HPSE2: variants seen among roughly 807,000 people sequenced by gnomAD.
The protein encoded by HPSE2 is heparanase 2 (inactive), also known as inactive heparanase-2.
Under a neutral mutation model 60.5 loss-of-function variants are expected in HPSE2, and 38 were observed. That is an observed-to-expected ratio of 0.63 (90% CI 0.48 to 0.82). The LOEUF (loss-of-function observed/expected upper bound fraction) is 0.82, where lower values mean the gene tolerates loss of function less well. HPSE2 is among the 40% of genes least tolerant of loss of function. The pLI is 0.00. For missense variants in HPSE2, 713 were observed against 740.4 expected (o/e 0.96, Z 0.43); for synonymous variants, 295 against 293.2 (o/e 1.01, Z -0.06).
chr10:98,940,822 C>G (rs1400108434), intron 3 of HPSE2, among the ~76,000 whole-genome samples: 2 of 140,308 alleles, frequency 1.4e-5, no homozygotes, highest in Non-Finnish European at 1.5e-5. Context: ...AACATTGATG[C>G]AAAAATCCTC....
the HPSE2 span, among the ~76,000 whole-genome samples, chr10:99,282,785 A>T: frequency 6.6e-6 from 1 of 152,192 alleles, no homozygotes; most frequent in Non-Finnish European, 1.5e-5. Flanking sequence ...TCACAAGGGA[A>T]ACTTGGAAAT....
chr10:98,818,071 G>A (rs1951333896), intron 3 of HPSE2, among the ~76,000 whole-genome samples: 2 of 152,128 alleles, frequency 1.3e-5, no homozygotes, highest in South Asian at 4.1e-4. Context: ...TTTGCATCCT[G>A]TGAATACCGT....
chr10:98,600,130 G>T (rs1945356287), intron 9 of HPSE2, among the ~76,000 whole-genome samples: 1 of 152,134 alleles, frequency 6.6e-6, no homozygotes, highest in African/African-American at 2.4e-5. Context: ...AGGTATGGAT[G>T]TTTACTGCTT....
intron 9 of HPSE2, among the ~76,000 whole-genome samples, chr10:98,604,443 T>G (rs1389537762): frequency 2.0e-5 from 3 of 152,066 alleles, no homozygotes; most frequent in Non-Finnish European, 4.4e-5. Flanking sequence ...TCTCCCAAAT[T>G]GAACAGCAAA....
intron 3 of HPSE2, among the ~76,000 whole-genome samples, chr10:99,107,484 G>A (rs538942915): frequency 3.7e-4 from 56 of 152,090 alleles, no homozygotes; most frequent in South Asian, 1.0e-3. Context: ...AAACCATGCC[G>A]TCTTCTACCT....
chr10:98,966,856 C>T (rs540147758), intron 3 of HPSE2, among the ~76,000 whole-genome samples: 1 of 152,318 alleles, frequency 6.6e-6, no homozygotes, highest in South Asian at 2.1e-4. Flanking sequence ...TTGATCATTA[C>T]ACATTTTATG....
At chr10:99,014,261 T>C (rs552488847) in intron 3 of HPSE2, among the ~76,000 whole-genome samples, 1 of 152,374 alleles carries the variant, frequency 6.6e-6, no homozygotes, top group African/African-American at 2.4e-5. Flanking sequence ...GGCCTCCAGC[T>C]CCATCCATGT....
At chr10:99,178,362 T>C (rs984351917) in intron 2 of HPSE2, among the ~76,000 whole-genome samples, 9 of 151,698 alleles carry the variant, frequency 5.9e-5, no homozygotes, top group African/African-American at 2.2e-4. Context: ...ACAAAATAGA[T>C]AGGCCACTAG....
intron 3 of HPSE2, among the ~76,000 whole-genome samples, chr10:98,854,336 C>T (rs986284744): frequency 6.6e-6 from 1 of 152,198 alleles, no homozygotes; most frequent in Non-Finnish European, 1.5e-5. Context: ...GCTGGTCACA[C>T]AGAGAAGACT....
chr10:98,594,251 T>C lies in HPSE2; in HGVS notation c.1320+20653A>G, dbSNP rs1291081857. Among the ~76,000 whole-genome samples, 3 of 152,048 alleles carry C rather than the reference T, an allele frequency of 2.0e-5. No individual in the cohort carries two copies. The East Asian group carries it at 5.8e-4, about 29-fold the overall frequency. On this transcript the variant is annotated intron_variant, in intron 9 of 11. Transcript: ENST00000370552. Reference sequence around the variant, plus strand: ...ATAGATAACTTAAAACTATTCCTCTTATGGAATTGACATTTTGTATCCTTT... The same window carrying C: ...ATAGATAACTTAAAACTATTCCTCTCATGGAATTGACATTTTGTATCCTTT...
intron 9 of HPSE2, among the ~76,000 whole-genome samples, chr10:98,540,767 A>G (rs549111319): frequency 1.3e-5 from 2 of 152,334 alleles, no homozygotes; most frequent in South Asian, 2.1e-4. Context: ...TCAATAGCAC[A>G]TTAAGACTTA....
At chr10:98,582,288 T>C (rs1416723625) in intron 9 of HPSE2, among the ~76,000 whole-genome samples, 2 of 152,214 alleles carry the variant, frequency 1.3e-5, no homozygotes, top group East Asian at 3.8e-4. Context: ...TTTACTGAAA[T>C]GGAACAATAC....
At chr10:98,495,348 C>G (rs893880908) in intron 9 of HPSE2, among the ~76,000 whole-genome samples, 5 of 152,078 alleles carry the variant, frequency 3.3e-5, no homozygotes, top group Non-Finnish European at 7.4e-5. Context: ...TTAAAAGTGT[C>G]TTGGTGTGGG....
intron 9 of HPSE2, among the ~76,000 whole-genome samples, chr10:98,523,974 A>C (rs1267985850): frequency 6.6e-6 from 1 of 152,220 alleles, no homozygotes; most frequent in African/African-American, 2.4e-5. Flanking sequence ...TCATAATATC[A>C]TAAAAGATTT....
At chr10:98,756,825 A>G (rs1247452415) in intron 3 of HPSE2, among the ~76,000 whole-genome samples, 1 of 152,142 alleles carries the variant, frequency 6.6e-6, no homozygotes, top group African/African-American at 2.4e-5. Context: ...TGACTTATTC[A>G]TGAGGCCAGA....
chr10:99,235,998 TC>T (rs368885080), upstream of HPSE2: 166 of 480,234 alleles, frequency 3.5e-4, 1 homozygote, highest in African/African-American at 2.2e-3. Context: ...TTTGTTTTTT[TC>T]TTTTTTTTTT....
At chr10:99,048,294 G>C (rs968866653) in intron 3 of HPSE2, 72 of 446,412 alleles carry the variant, frequency 1.6e-4, no homozygotes, top group African/African-American at 1.4e-3. Flanking sequence ...CCACAAGGTG[G>C]AATGAAGAAA....
At chr10:99,124,211 G>C (rs1159537975) in intron 3 of HPSE2, among the ~76,000 whole-genome samples, 2 of 152,204 alleles carry the variant, frequency 1.3e-5, no homozygotes, top group African/African-American at 4.8e-5. Context: ...GCCTGAGTCT[G>C]ACTGAGTCCA....
At chr10:98,854,685 C>G (rs1282302784) in intron 3 of HPSE2, among the ~76,000 whole-genome samples, 1 of 152,094 alleles carries the variant, frequency 6.6e-6, no homozygotes, top group Non-Finnish European at 1.5e-5. Context: ...GGACATATAA[C>G]ATGTAAGTAA....
Sources: gnomAD v4.1 joint callset for allele counts (sites outside exome capture counted in the v4.1 genomes callset) on GRCh38, gnomAD v4.1.1 for gene constraint, MANE v1.5 for transcripts, NCBI Gene and HGNC (gene_info 2026-07-23, HGNC 2026-07-21) for gene names.